Variants in ZNF75A observed in about 807,000 individuals in gnomAD.
The protein encoded by ZNF75A is zinc finger protein 75A.
ZNF75A carries 36 observed loss-of-function variants against 46.3 expected under a neutral mutation model. The observed-to-expected ratio is 0.78, with a 90% CI of 0.60 to 1.03. The LOEUF (loss-of-function observed/expected upper bound fraction) is 1.03. ZNF75A is among the 50% of genes least tolerant of loss of function. The pLI is 0.00. For synonymous variants in ZNF75A, 234 were observed against 189.9 expected (o/e 1.23, Z -1.91); for missense variants, 595 against 551.3 (o/e 1.08, Z -0.79).
chr16:3,311,879 A>G lies in ZNF75A; in HGVS notation c.535A>G (p.Thr179Ala), dbSNP rs1411859702. Reference sequence around the variant, plus strand: ...ATCCCAAGATGAAGAATTTTGGAATACATACGAGGGTCTGCAAGAACAGCT... The same window carrying G: ...ATCCCAAGATGAAGAATTTTGGAATGCATACGAGGGTCTGCAAGAACAGCT... ...GVSQDEEFWN[T>A]YEGLQEQLSR... The change falls in exon 3 of 7, where the codon ACA (threonine) becomes GCA (alanine). Residue 179 changes from threonine (T) to alanine (A), a missense_variant. By Grantham distance (58) the Thr-to-Ala change is moderately conservative. Coordinates refer to ENST00000669516, the MANE Select transcript of ZNF75A (RefSeq NM_001302109.2). 2 of 1,011,466 alleles carry G rather than the reference A, an allele frequency of 2.0e-6. No homozygotes were observed. The highest frequency in any genetic ancestry group is 2.4e-6 in the Non-Finnish European group (2 of 843,080). 62.7% of individuals were successfully genotyped at this position (1,011,466 alleles called of 1,614,324 possible). A position where few individuals can be genotyped will look rare whatever the true frequency, so the allele number is the denominator to read the frequency against.
At chr16:3,315,097 C>T in intron 5 of ZNF75A, 4 of 984,890 alleles carry the variant, frequency 4.1e-6, no homozygotes, top group Non-Finnish European at 4.8e-6. Context: ...TTCCCTTTCC[C>T]TTTCCCCAAA....
chr16:3,317,924 C>A lies in ZNF75A; in HGVS notation c.*55C>A. The A allele has an allele frequency of 1.3e-6, 2 of 1,504,636 alleles. No homozygotes were observed. The highest frequency in any genetic ancestry group is 8.9e-7 in the Non-Finnish European group (1 of 1,128,466). The allele number at this position is 1,504,636 out of a possible 1,614,324, so 93.2% of individuals were successfully genotyped here. Reference sequence around the variant, plus strand: ...AAGACATTCACCAAATGGAGCTTGGCACTAAAATTTATGTAAAAGAAAAAT... The same window carrying A: ...AAGACATTCACCAAATGGAGCTTGGAACTAAAATTTATGTAAAAGAAAAAT... On this transcript the variant is annotated 3_prime_UTR_variant, in exon 7 of 7. Transcript: ENST00000669516.
At chr16:3,322,886 G>A, downstream of ZNF75A, 1 of 985,184 alleles carries the variant, frequency 1.0e-6, no homozygotes, top group Non-Finnish European at 1.2e-6. Flanking sequence ...AAATGCTAGA[G>A]TTACTCATTC....
At chr16:3,316,222 T>G (rs1313731650) in intron 5 of ZNF75A, 5 of 152,228 alleles carry the variant, frequency 3.3e-5, no homozygotes, top group African/African-American at 1.2e-4. Context: ...ATCAGGGGTC[T>G]TCTTCACTAC....
chr16:3,310,912 G>A lies in ZNF75A; in HGVS notation c.409-841G>A, dbSNP rs1379004328. On this transcript the variant is annotated intron_variant, in intron 2 of 6. Transcript: ENST00000669516. ...TCGGGTCTGCTGGGAAGAATACAGG[G>A]CAGGACCTATGTTTGGTGTCAGAAT... The A allele has an allele frequency of 3.0e-6, 3 of 985,292 alleles. No individual in the cohort carries two copies. In the East Asian group the frequency reaches 3.4e-4, roughly 112 times the overall value. The allele number at this position is 985,292 out of a possible 1,614,324, so 61.0% of individuals were successfully genotyped here. A position where few individuals can be genotyped will look rare whatever the true frequency, so the allele number is the denominator to read the frequency against.
chr16:3,312,995 A>G (rs1359569136), intron 4 of ZNF75A, 54 bp from the exon 5 acceptor site: 1 of 1,546,330 alleles, frequency 6.5e-7, no homozygotes, highest in Non-Finnish European at 8.7e-7. Context: ...CCAGGTGGCT[A>G]GGCTGCTTCT....
In ZNF75A at chr16:3,318,148, G is replaced by A; in HGVS notation, c.*279G>A. On this transcript the variant is annotated 3_prime_UTR_variant, in exon 7 of 7. Coordinates refer to ENST00000669516, the MANE Select transcript of ZNF75A (RefSeq NM_001302109.2). ...GCAGCATGGTCTTCCAAAACAAAAAGCAGTAACATGCATGTTTAATTGCAT... is the reference window on the plus strand; with the variant it reads ...GCAGCATGGTCTTCCAAAACAAAAAACAGTAACATGCATGTTTAATTGCAT... 1.7e-6 allele frequency: 2 copies of A among 1,163,730 alleles called. No homozygotes were observed. Among genetic ancestry groups the A allele is most frequent in the Middle Eastern group, 3.6e-4 (1 of 2,810 alleles). The allele number at this position is 1,163,730 out of a possible 1,614,324, so 72.1% of individuals were successfully genotyped here.
intron 2 of ZNF75A, among the ~76,000 whole-genome samples, chr16:3,310,051 A>G (rs113305485): frequency 0.062 from 9,410 of 151,992 alleles, 1,001 homozygotes; most frequent in African/African-American, 0.21. Context: ...TTATTATTGC[A>G]GCATTGTACT....
chr16:3,309,288 C>G (rs118069162), intron 2 of ZNF75A: 2 of 151,738 alleles, frequency 1.3e-5, no homozygotes, highest in African/African-American at 4.8e-5. Flanking sequence ...GGAACCCTCT[C>G]TCTACAAAAA....
At chr16:3,314,579 C>T (rs1961054817) in intron 5 of ZNF75A, among the ~76,000 whole-genome samples, 1 of 152,218 alleles carries the variant, frequency 6.6e-6, no homozygotes, top group South Asian at 2.1e-4. Flanking sequence ...GTTTGCTGAT[C>T]CCTTGGCTCC....
chr16:3,318,041 C>A lies in ZNF75A; in HGVS notation c.*172C>A, dbSNP rs1187724441. 7.1e-7 allele frequency: 1 copy of A among 1,400,152 alleles called. No individual in the cohort carries two copies. Among genetic ancestry groups the A allele is most frequent in the East Asian group, 2.6e-5 (1 of 38,850 alleles). The allele number at this position is 1,400,152 out of a possible 1,614,324, so 86.7% of individuals were successfully genotyped here. ...ACTTGCTCTGCAGCCACTCAGTAGT[C>A]TTCTGTGGTCACAGAAGTAAACATT... On this transcript the variant is annotated 3_prime_UTR_variant, in exon 7 of 7. Coordinates refer to ENST00000669516, the MANE Select transcript of ZNF75A (RefSeq NM_001302109.2).
downstream of ZNF75A, chr16:3,323,308 A>T: frequency 9.8e-7 from 1 of 1,025,540 alleles, no homozygotes; most frequent in Non-Finnish European, 1.5e-6. Context: ...TGGAAAGGGC[A>T]AAAGAACCAT....
downstream of ZNF75A, among the ~76,000 whole-genome samples, chr16:3,321,348 T>G (rs2150837371): frequency 6.6e-6 from 1 of 152,314 alleles, no homozygotes; most frequent in African/African-American, 2.4e-5. Context: ...CACGGTTATT[T>G]CAGAGAACTG....
In ZNF75A at chr16:3,317,910, C is replaced by A; in HGVS notation, c.*41C>A. 6.6e-7 allele frequency: 1 copy of A among 1,521,850 alleles called. No homozygotes were observed. The highest frequency in any genetic ancestry group is 8.8e-7 in the Non-Finnish European group (1 of 1,136,176). 94.3% of individuals were successfully genotyped at this position (1,521,850 alleles called of 1,614,324 possible). On this transcript the variant is annotated 3_prime_UTR_variant, in exon 7 of 7. Coordinates refer to ENST00000669516, the MANE Select transcript of ZNF75A (RefSeq NM_001302109.2). The stretch of plus-strand genomic sequence containing the variant: ...GTGTCCTCATTCTGAAGACATTCAC[C>A]AAATGGAGCTTGGCACTAAAATTTA...
intron 2 of ZNF75A, chr16:3,310,638 A>G (rs1960693122): frequency 2.0e-6 from 2 of 982,254 alleles, no homozygotes; most frequent in Non-Finnish European, 2.4e-6. Flanking sequence ...AAACAAAACA[A>G]ACAAACAAAA....
Position 3,318,137 on chromosome 16 carries a change from C to A in ZNF75A, c.*268C>A. 8.4e-7 allele frequency: 1 copy of A among 1,194,128 alleles called. No homozygotes were observed. Among genetic ancestry groups the A allele is most frequent in the Non-Finnish European group, 1.0e-6 (1 of 963,268 alleles). 74.0% of individuals were successfully genotyped at this position (1,194,128 alleles called of 1,614,324 possible). A position where few individuals can be genotyped will look rare whatever the true frequency, so the allele number is the denominator to read the frequency against. ...TAGAAACATTGGCAGCATGGTCTTC[C>A]AAAACAAAAAGCAGTAACATGCATG... On this transcript the variant is annotated 3_prime_UTR_variant, in exon 7 of 7. Transcript: ENST00000669516.
At chr16:3,311,703 C>T in intron 2 of ZNF75A, 50 bp from the exon 3 acceptor site, 1 of 1,005,934 alleles carries the variant, frequency 9.9e-7, no homozygotes, top group Non-Finnish European at 1.2e-6. Flanking sequence ...CCTCCACCCC[C>T]ACAAACCAAA....
intron 2 of ZNF75A, chr16:3,310,569 T>C: frequency 1.5e-6 from 1 of 658,166 alleles, no homozygotes; most frequent in Non-Finnish European, 1.9e-6. Context: ...GAGACTGCAG[T>C]GAGCCATGAT....
downstream of ZNF75A, chr16:3,323,225 C>T: frequency 9.3e-6 from 7 of 752,916 alleles, no homozygotes; most frequent in South Asian, 9.4e-5. Context: ...TGCATTCACC[C>T]CAATAGCCAG....
Sources: allele counts gnomAD v4.1 joint callset (sites outside exome capture counted in the v4.1 genomes callset), GRCh38; gene constraint gnomAD v4.1.1; transcripts MANE v1.5; gene names NCBI Gene and HGNC (gene_info 2026-07-23, HGNC 2026-07-21).